Variants in ITGA2 observed in about 807,000 individuals in gnomAD.
ITGA2 encodes the protein integrin subunit alpha 2.
In ITGA2, 101 loss-of-function variants were observed where a neutral mutation model predicts 146.3. The observed-to-expected ratio is 0.69, with a 90% confidence interval of 0.59 to 0.81. The LOEUF is 0.81. Among genes scored for constraint, ITGA2 ranks in the 40% least tolerant of loss-of-function variants. The pLI is 0.00. For missense variants in ITGA2, 1,281 were observed against 1,402.7 expected (o/e 0.91, Z 1.39); for synonymous variants, 477 against 487.1 (o/e 0.98, Z 0.27).
intron 10 of ITGA2, among the ~76,000 whole-genome samples, chr5:53,059,559 A>T (rs1744805752): frequency 6.6e-6 from 1 of 151,868 alleles, no homozygotes; most frequent in South Asian, 2.1e-4. Context: ...ATAAGGGTTT[A>T]CCATTGGCAA....
intron 21 of ITGA2, among the ~76,000 whole-genome samples, chr5:53,074,848 T>TG (rs1745585922): frequency 1.3e-5 from 2 of 151,978 alleles, no homozygotes; most frequent in Admixed American, 1.3e-4. Flanking sequence ...AACTTACATG[T>TG]GTCACTTGGA....
intron 2 of ITGA2, among the ~76,000 whole-genome samples, chr5:53,041,851 A>G (rs1454205990): frequency 6.6e-6 from 1 of 152,160 alleles, no homozygotes; most frequent in Non-Finnish European, 1.5e-5. Context: ...TGTGGCTAAT[A>G]TTCGTAGCTT....
intron 1 of ITGA2, among the ~76,000 whole-genome samples, chr5:53,013,302 A>T (rs1299682815): frequency 6.6e-6 from 1 of 151,574 alleles, no homozygotes; most frequent in Non-Finnish European, 1.5e-5. Context: ...GTCCATTATC[A>T]ATCTTCTGCC....
Position 53,048,757 on chromosome 5 carries a change from C to T in ITGA2, c.617C>T (p.Pro206Leu), listed in dbSNP as rs2111913664. The T allele has an allele frequency of 3.1e-6, 5 of 1,613,740 alleles. No individual in the cohort carries two copies. Among genetic ancestry groups the T allele is most frequent in the Admixed American group, 1.7e-5 (1 of 59,988 alleles). Residue 206 changes from proline to leucine, a missense_variant, in exon 6 of 30, where the codon CCC becomes CTC. Physicochemically the swap from Pro to Leu is moderately conservative, Grantham distance 98 (BLOSUM62 -3). Transcript: ENST00000296585. ...EKFVQGLDIG[P>L]TKTQVGLIQY... ...TTTGTACAAGGCCTGGATATAGGCC[C>T]CACAAAGACACAGGTATGGCTAACA...
chr5:53,019,583 T>C (rs1001651598), intron 1 of ITGA2, among the ~76,000 whole-genome samples: 2 of 152,184 alleles, frequency 1.3e-5, no homozygotes, highest in Non-Finnish European at 2.9e-5. Context: ...TGCAGTGCAG[T>C]GGCATGATCT....
At chr5:53,079,552 A>G (rs3212607) in intron 24 of ITGA2, among the ~76,000 whole-genome samples, 15,741 of 152,184 alleles carry the variant, frequency 0.1, 949 homozygotes, top group African/African-American at 0.16. Flanking sequence ...TGGAAAGTAA[A>G]AAGAATTTAT....
chr5:53,058,226 G>T lies in ITGA2; in HGVS notation c.1173+125G>T, dbSNP rs192464295. On this transcript the variant is annotated intron_variant, in intron 10 of 29. Transcript: ENST00000296585. ...TCAGCCCTTCTGATTCCTAGTCACG[G>T]TCATTTAGTTTCTTTGTGCTGCTGA... 560 of 755,006 alleles carry T rather than the reference G, an allele frequency of 7.4e-4. 5 individuals are homozygous for T. Among genetic ancestry groups the T allele is most frequent in the Admixed American group, 1.1e-3 (59 of 51,630 alleles). 46.8% of individuals were successfully genotyped at this position (755,006 alleles called of 1,614,324 possible). A position where few individuals can be genotyped will look rare whatever the true frequency, so the allele number is the denominator to read the frequency against.
At chr5:53,090,407 A>G (rs1740353678) in intron 29 of ITGA2, 112 bp from the exon 30 acceptor site, 4 of 857,074 alleles carry the variant, frequency 4.7e-6, no homozygotes, top group Non-Finnish European at 4.0e-6. Flanking sequence ...CTCCCTTCAG[A>G]GCCTCAGGGA....
At chr5:53,066,160 G>T (rs962453075) in intron 15 of ITGA2, among the ~76,000 whole-genome samples, 183 bp downstream of exon 15, 9 of 151,856 alleles carry the variant, frequency 5.9e-5, no homozygotes, top group South Asian at 2.1e-4. Flanking sequence ...AGATATATTT[G>T]CTTACCATTA....
At position 53,090,658 on chromosome 5, in the gene ITGA2, C is replaced by T. The variant is rs1019658558; in HGVS notation, c.*59C>T. ...CATCCCAGCCAGGGTTTGCTGTTTG[C>T]GTGAATGGATTTCTTTTTAAATCCC... On this transcript the variant is annotated 3_prime_UTR_variant, in exon 30 of 30. Transcript: ENST00000296585. The T allele has an allele frequency of 6.5e-5, 85 of 1,309,384 alleles. No individual in the cohort carries two copies. The Middle Eastern group carries it at 7.3e-4, about 11-fold the overall frequency. The allele number at this position is 1,309,384 out of a possible 1,614,324, so 81.1% of individuals were successfully genotyped here. A position where few individuals can be genotyped will look rare whatever the true frequency, so the allele number is the denominator to read the frequency against.
chr5:53,085,124 C>CA (rs1282516669), intron 27 of ITGA2, among the ~76,000 whole-genome samples: 1 of 152,234 alleles, frequency 6.6e-6, no homozygotes, highest in Non-Finnish European at 1.5e-5. Context: ...ATTTAAGCAG[C>CA]AAAGTGGATG....
chr5:53,061,097 G>T (rs1467152938), intron 12 of ITGA2, 51 bp downstream of exon 12: 4 of 1,585,246 alleles, frequency 2.5e-6, no homozygotes, highest in Non-Finnish European at 2.6e-6. Context: ...CAACTGGGCA[G>T]GTGGGGAGTC....
At chr5:53,073,959 A>C (rs1579893107) in intron 20 of ITGA2, among the ~76,000 whole-genome samples, 1 of 151,514 alleles carries the variant, frequency 6.6e-6, no homozygotes, top group East Asian at 1.9e-4. Context: ...AAAAAAAAAA[A>C]AAAAAAACCC....
chr5:53,051,602 AC>A, intron 7 of ITGA2, 43 bp downstream of exon 7: 1 of 1,567,310 alleles, frequency 6.4e-7, no homozygotes, highest in African/African-American at 1.4e-5. Context: ...ATAATGTAAA[AC>A]ATTATATTTA....
chr5:53,083,589 C>G, intron 27 of ITGA2, 136 bp downstream of exon 27: 1 of 703,918 alleles, frequency 1.4e-6, no homozygotes, highest in South Asian at 1.5e-5. Flanking sequence ...GCATTTTACC[C>G]TGAAAGGCAG....
rs370400754 is a variant in ITGA2 at position 53,061,018 on chromosome 5, C to T, written c.1430C>T (p.Thr477Met). ...AGTGTGAATGAGAATGGCAATATCACGGTTATTCAGGCTCACCGAGGTGAC... is the reference window on the plus strand; with the variant it reads ...AGTGTGAATGAGAATGGCAATATCATGGTTATTCAGGCTCACCGAGGTGAC... ...LYSVNENGNI[T>M]VIQAHRGDQI... Residue 477 changes from threonine to methionine, a missense_variant, in exon 12 of 30, where the codon ACG becomes ATG. Thr to Met is a moderately conservative substitution (Grantham distance 81). This residue lies in a region of ITGA2 where 795 missense variants were observed against 841.7 expected (regional missense o/e 0.94). Coordinates refer to ENST00000296585, the MANE Select transcript of ITGA2 (RefSeq NM_002203.4). 24 of 1,612,188 alleles carry T rather than the reference C, an allele frequency of 1.5e-5. No individual in the cohort carries two copies. The highest frequency in any genetic ancestry group is 8.4e-5 in the Admixed American group (5 of 59,810).
chr5:53,061,276 C>T (rs1039621165), intron 12 of ITGA2, among the ~76,000 whole-genome samples: 2 of 151,856 alleles, frequency 1.3e-5, no homozygotes, highest in African/African-American at 2.4e-5. Flanking sequence ...GGTCACACAG[C>T]GTCCATGGAT....
intron 23 of ITGA2, among the ~76,000 whole-genome samples, chr5:53,077,149 A>G (rs1056894653): frequency 6.6e-6 from 1 of 152,130 alleles, no homozygotes; most frequent in African/African-American, 2.4e-5. Context: ...ATATGAGGAC[A>G]TACAGATCTA....
chr5:53,093,539 G>A lies in ITGA2; in HGVS notation c.*2940G>A, dbSNP rs6898333. The A allele has an allele frequency of 0.35, 52,555 of 151,782 alleles. 9,225 individuals carry two copies. The highest frequency in any genetic ancestry group is 0.41 in the Admixed American group (6,225 of 15,246). 9.4% of individuals were successfully genotyped at this position (151,782 alleles called of 1,614,324 possible). A position where few individuals can be genotyped will look rare whatever the true frequency, so the allele number is the denominator to read the frequency against. The stretch of plus-strand genomic sequence containing the variant: ...CCCGATGCCAGAGCATGCTCCCCCC[G>A]CAGTCATGACAATCAAAAAATGTCT... On this transcript the variant is annotated 3_prime_UTR_variant, in exon 30 of 30. Coordinates refer to ENST00000296585, the MANE Select transcript of ITGA2 (RefSeq NM_002203.4).
Sources: allele counts gnomAD v4.1 joint callset (sites outside exome capture counted in the v4.1 genomes callset), GRCh38; gene constraint gnomAD v4.1.1; regional missense constraint gnomAD v4.1.1; transcripts MANE v1.5; gene names NCBI Gene and HGNC (gene_info 2026-07-23, HGNC 2026-07-21).